The following DDX51 variants were observed in gnomAD, a reference collection of about 807,000 sequenced individuals.
The protein encoded by DDX51 is DEAD-box helicase 51.
DDX51 carries 67 observed loss-of-function variants against 74.6 expected under a neutral mutation model. The observed-to-expected ratio is 0.90, with a 90% CI of 0.74 to 1.10. The LOEUF is 1.10. DDX51 is among the 50% of genes least tolerant of loss of function. The probability of loss-of-function intolerance (pLI) is 0.00; values close to 1 mark genes in which losing one functional copy is unlikely to be tolerated. For missense variants in DDX51, 1,056 were observed against 905.2 expected (o/e 1.17, Z -2.14); for synonymous variants, 545 against 402.9 (o/e 1.35, Z -4.22).
At chr12:132,141,724 GCTC>G (rs1897471535) in intron 6 of DDX51, 118 bp from the exon 7 acceptor site, 1 of 1,445,870 alleles carries the variant, frequency 6.9e-7, no homozygotes, top group East Asian at 2.3e-5. Context: ...GCCGGTGGGA[GCTC>G]CTCCTCTTCA....
Position 132,141,556 on chromosome 12 carries a change from C to A in DDX51, c.1046G>T (p.Arg349Leu), listed in dbSNP as rs959236342. ...GGTCTGGTCGATGTGGTCCACCAGG[C>A]GGCCGGGGGTGGCTACCACGATGTC... is the stretch of plus-strand genomic sequence containing the variant. Reference protein sequence around the residue: ...LADIVVATPGRLVDHIDQTPG... With the variant: ...LADIVVATPGLLVDHIDQTPG... Residue 349 changes from arginine (R) to leucine (L), a missense_variant, in exon 7 of 15, where the codon CGC becomes CTC. Arg to Leu is a moderately radical substitution (Grantham distance 102, BLOSUM62 -2). Transcript: ENST00000397333. 1.2e-6 allele frequency: 2 copies of A among 1,604,138 alleles called. No individual in the cohort carries two copies. Among genetic ancestry groups the A allele is most frequent in the African/African-American group, 1.3e-5 (1 of 74,834 alleles).
Position 132,139,098 on chromosome 12 carries a change from G to A in DDX51, c.*174C>T, listed in dbSNP as rs1005770842. On this transcript the variant is annotated 3_prime_UTR_variant, in exon 15 of 15. Coordinates refer to ENST00000397333, the MANE Select transcript of DDX51 (RefSeq NM_175066.4). The stretch of plus-strand genomic sequence containing the variant: ...GCCCTGAAGTCTCCAGTCGGGGCAG[G>A]TGCTTGAGCTCTGACGCCCGGGCTG... 6.6e-6 allele frequency: 6 copies of A among 904,778 alleles called. No homozygotes were observed. In the Admixed American group the frequency reaches 7.5e-5, roughly 11 times the overall value. 56.0% of individuals were successfully genotyped at this position (904,778 alleles called of 1,614,324 possible).
At chr12:132,141,700 C>G (rs1027463342) in intron 6 of DDX51, 94 bp from the exon 7 acceptor site, 54 of 1,487,268 alleles carry the variant, frequency 3.6e-5, no homozygotes, top group African/African-American at 1.1e-4. Context: ...GACTCCACCC[C>G]ACATGGGAAG....
At position 132,143,801 on chromosome 12, in the gene DDX51, C is replaced by G. The variant is rs534530825; in HGVS notation, c.413G>C (p.Ser138Thr). ...SEEAPGERST[S>T]ASAEAAPDGP... is the part of the protein sequence containing the mutation. ...ATCTGGGGCCGCCTCGGCGCTGGCG[C>G]TGGTGCTGCGCTCCCCCGGCGCCTC... Residue 138 changes from serine to threonine, a missense_variant, in exon 2 of 15, where the codon AGC becomes ACC. Coordinates refer to ENST00000397333, the MANE Select transcript of DDX51 (RefSeq NM_175066.4). 8.4e-5 allele frequency: 128 copies of G among 1,525,184 alleles called. 1 individual carries two copies. The East Asian group carries it at 3.1e-3, about 37-fold the overall frequency. 94.5% of individuals were successfully genotyped at this position (1,525,184 alleles called of 1,614,324 possible).
intron 2 of DDX51, chr12:132,143,392 G>A (rs562627217): frequency 1.7e-5 from 9 of 523,736 alleles, no homozygotes; most frequent in African/African-American, 8.0e-5. Context: ...CTTGCAGAAC[G>A]GCCTCTGACT....
rs893244431 is a variant in DDX51, at chr12:132,141,367, C to T, written c.1158G>A (p.Pro386=). 5 of 1,598,390 alleles carry T rather than the reference C, an allele frequency of 3.1e-6. No homozygotes were observed. The highest frequency in any genetic ancestry group is 1.1e-5 in the South Asian group (1 of 91,012). Residue 386 remains proline, a synonymous_variant, in exon 8 of 15, where the codon CCG becomes CCA. Coordinates refer to ENST00000397333, the MANE Select transcript of DDX51 (RefSeq NM_175066.4). ...TCTGGAAGGCGGCCGCCACCACCCGCGGCAGCCAGGACTGATGCATGCTGT... is the reference window on the plus strand; with the variant it reads ...TCTGGAAGGCGGCCGCCACCACCCGTGGCAGCCAGGACTGATGCATGCTGT... ...MIDSMHQSWL[P]RVVAAAFQSE...
chr12:132,143,323 G>T (rs1897551891), intron 2 of DDX51: 1 of 423,802 alleles, frequency 2.4e-6, no homozygotes, highest in Middle Eastern at 6.6e-4. Context: ...CACCTGTCTC[G>T]CCGGAAATCT....
At chr12:132,142,453 G>T in intron 3 of DDX51, 31 bp from the exon 4 acceptor site, 1 of 1,605,288 alleles carries the variant, frequency 6.2e-7, no homozygotes. Flanking sequence ...GAGAAGTCGT[G>T]TTTACGCCTA....
At chr12:132,140,297 G>A in intron 11 of DDX51, 98 bp from the exon 12 acceptor site, 2 of 1,553,864 alleles carry the variant, frequency 1.3e-6, no homozygotes, top group Non-Finnish European at 1.8e-6. Flanking sequence ...TCTGGGAACT[G>A]GCTGCCATGG....
chr12:132,139,785 T>C lies in DDX51; in HGVS notation c.1840-16A>G. The C allele has an allele frequency of 1.2e-6, 2 of 1,613,052 alleles. No homozygotes were observed. The highest frequency in any genetic ancestry group is 1.1e-5 in the South Asian group (1 of 91,080). On this transcript the variant is annotated splice_polypyrimidine_tract_variant and intron_variant, in intron 13 of 14. Coordinates refer to ENST00000397333, the MANE Select transcript of DDX51 (RefSeq NM_175066.4). ...ATCTCCTCTCCTGGAGAGAAGCTCA[T>C]GGTGGAAGGGGGTTCTTGGGCCAGC...
At chr12:132,142,968 G>C in intron 2 of DDX51, 90 bp from the exon 3 acceptor site, 1 of 1,569,390 alleles carries the variant, frequency 6.4e-7, no homozygotes, top group Non-Finnish European at 8.7e-7. Context: ...GAGGGAGGCT[G>C]GGGAAACCTC....
In DDX51 at chr12:132,140,693, C is replaced by T. The variant is rs541798025; in HGVS notation, c.1483G>A (p.Val495Ile). ...PCSLSSKPLV[V>I]LHLVLEMGFS... ...CCCATCTCCAGGACCAGGTGCAGGA[C>T]GACCAGCGGCTTAGAGCTGAGGCTG... The change falls in exon 10 of 15, where the codon GTC becomes ATC. Residue 495 changes from valine (V) to isoleucine (I), a missense_variant. Coordinates refer to ENST00000397333, the MANE Select transcript of DDX51 (RefSeq NM_175066.4). 1.8e-5 allele frequency: 29 copies of T among 1,613,048 alleles called. No individual in the cohort carries two copies. In the South Asian group the frequency reaches 2.3e-4, roughly 13 times the overall value.
In DDX51 at chr12:132,137,471, C is replaced by A. The variant is rs1444008883; in HGVS notation, c.*1801G>T. ...TTTACCCCGTCTACCTAAATCATTT[C>A]TTTCTGCCTCCTGTAACAGTCGCCT... is the stretch of plus-strand genomic sequence containing the variant. On this transcript the variant is annotated 3_prime_UTR_variant, in exon 15 of 15. Coordinates refer to ENST00000397333, the MANE Select transcript of DDX51 (RefSeq NM_175066.4). 1 of 152,244 alleles carries A rather than the reference C, an allele frequency of 6.6e-6. No homozygotes were observed. Among genetic ancestry groups the A allele is most frequent in the Non-Finnish European group, 1.5e-5 (1 of 68,036 alleles). 9.4% of individuals were successfully genotyped at this position (152,244 alleles called of 1,614,324 possible). A position where few individuals can be genotyped will look rare whatever the true frequency, so the allele number is the denominator to read the frequency against.
chr12:132,142,889 A>T lies in DDX51; in HGVS notation c.520-11T>A. 3.7e-6 allele frequency: 6 copies of T among 1,612,364 alleles called. No homozygotes were observed. Among genetic ancestry groups the T allele is most frequent in the Non-Finnish European group, 5.1e-6 (6 of 1,179,968 alleles). Reference sequence around the variant, plus strand: ...CAGGAAAGGCTGGACCTGCCATCAAAAAGAAAGAGAGGCCAGGTGAGCGCT... The same window carrying T: ...CAGGAAAGGCTGGACCTGCCATCAATAAGAAAGAGAGGCCAGGTGAGCGCT... On this transcript the variant is annotated splice_polypyrimidine_tract_variant and intron_variant, in intron 2 of 14. Coordinates refer to ENST00000397333, the MANE Select transcript of DDX51 (RefSeq NM_175066.4).
chr12:132,140,817 G>C lies in DDX51; in HGVS notation c.1440+14C>G, dbSNP rs111226738. On this transcript the variant is annotated intron_variant, in intron 9 of 14. Coordinates refer to ENST00000397333, the MANE Select transcript of DDX51 (RefSeq NM_175066.4). ...TCCCAGTGCAACCCTCTGCCCACAC[G>C]GTATCCCACTCACCGTGAGCCCAAC... 1 of 1,613,364 alleles carries C rather than the reference G, an allele frequency of 6.2e-7. No individual in the cohort carries two copies. The highest frequency in any genetic ancestry group is 1.1e-5 in the South Asian group (1 of 91,080).
Position 132,142,856 on chromosome 12 carries a change from C to G in DDX51, c.542G>C (p.Trp181Ser). Residue 181 changes from tryptophan to serine, a missense_variant, in exon 3 of 15, where the codon TGG becomes TCG. Trp to Ser is a radical substitution (Grantham distance 177). Coordinates refer to ENST00000397333, the MANE Select transcript of DDX51 (RefSeq NM_175066.4). ...APKVQPFLPR[W>S]LAEPNCVRRN... The stretch of plus-strand genomic sequence containing the variant: ...TCTGACACAGTTAGGCTCAGCCAGC[C>G]ACCTTGGCAGGAAAGGCTGGACCTG... 1 of 1,612,870 alleles carries G rather than the reference C, an allele frequency of 6.2e-7. No individual in the cohort carries two copies.
In DDX51 at chr12:132,140,987, C is replaced by T. The variant is rs780562275; in HGVS notation, c.1284G>A (p.Leu428=). 11 of 1,606,262 alleles carry T rather than the reference C, an allele frequency of 6.8e-6. No homozygotes were observed. Among genetic ancestry groups the T allele is most frequent in the South Asian group, 3.3e-5 (3 of 90,662 alleles). Residue 428 remains leucine (L), a synonymous_variant, in exon 9 of 15, where the codon CTG becomes CTA. Transcript: ENST00000397333. ...TCCPQMPLQK[L]LFSATLTQNP... ...TCTGGGTCAGAGTAGCTGAGAAGAGCAGCTTCTGCAGGGGCATCTGGGGAC... is the reference window on the plus strand; with the variant it reads ...TCTGGGTCAGAGTAGCTGAGAAGAGTAGCTTCTGCAGGGGCATCTGGGGAC...
At position 132,137,993 on chromosome 12, in the gene DDX51, G is replaced by C. The variant is rs1386954049; in HGVS notation, c.*1279C>G. On this transcript the variant is annotated 3_prime_UTR_variant, in exon 15 of 15. Coordinates refer to ENST00000397333, the MANE Select transcript of DDX51 (RefSeq NM_175066.4). ...GCGTCAGGTTCCGGGTTCATCCACG[G>C]GGTGCCTATGCTGGTGCCTCACTCC... The C allele has an allele frequency of 6.6e-6, 1 of 152,232 alleles. No individual in the cohort carries two copies. Among genetic ancestry groups the C allele is most frequent in the Non-Finnish European group, 1.5e-5 (1 of 68,056 alleles). The allele number at this position is 152,232 out of a possible 1,614,324, so 9.4% of individuals were successfully genotyped here. A position where few individuals can be genotyped will look rare whatever the true frequency, so the allele number is the denominator to read the frequency against.
At chr12:132,143,578 C>T in intron 2 of DDX51, 117 bp downstream of exon 2, 2 of 1,343,786 alleles carry the variant, frequency 1.5e-6, no homozygotes, top group Non-Finnish European at 2.0e-6. Context: ...GGCAGCGAGG[C>T]GCGGCTGTGA....
Sources: gnomAD v4.1 joint callset for allele counts on GRCh38, gnomAD v4.1.1 for gene constraint, MANE v1.5 for transcripts, NCBI Gene and HGNC (gene_info 2026-07-23, HGNC 2026-07-21) for gene names.